The following JPH3 variants were observed in gnomAD, a reference collection of about 807,000 sequenced individuals.
The protein encoded by JPH3 is junctophilin 3.
A neutral mutation model predicts 59.6 loss-of-function variants in JPH3; 11 were observed. The ratio of observed to expected loss-of-function variants is 0.18; its 90% confidence interval spans 0.12 to 0.31. JPH3 has a LOEUF of 0.31. Among genes scored for constraint, JPH3 ranks in the 10% least tolerant of loss-of-function variants. The pLI, the probability that JPH3 is intolerant of heterozygous loss-of-function variation, is 1.00. For synonymous variants in JPH3, 673 were observed against 483.6 expected, an observed-to-expected ratio of 1.39 and a Z score of -5.14; for missense variants, 1,202 against 1,105.7, an observed-to-expected ratio of 1.09 and a Z score of -1.24.
At chr16:87,620,447 A>AGG (rs377009507) in intron 1 of JPH3, among the ~76,000 whole-genome samples, 22 of 75,582 alleles carry the variant, frequency 2.9e-4, no homozygotes, top group Non-Finnish European at 4.2e-4. Context: ...AGGGAGAGAG[A>AGG]GAGAGAAGGA....
chr16:87,641,376 C>T (rs370489585), intron 1 of JPH3, among the ~76,000 whole-genome samples: 105 of 152,256 alleles, frequency 6.9e-4, no homozygotes, highest in African/African-American at 2.4e-3. Flanking sequence ...TTGTTTCCGA[C>T]GTTGATGGCA....
intron 1 of JPH3, among the ~76,000 whole-genome samples, chr16:87,638,400 G>A (rs2031828699): frequency 6.6e-6 from 1 of 152,190 alleles, no homozygotes; most frequent in Admixed American, 6.5e-5. Context: ...AGCACAGGGT[G>A]GGGGTGCTGT....
chr16:87,605,216 G>A (rs1313502625), intron 1 of JPH3, among the ~76,000 whole-genome samples: 1 of 152,242 alleles, frequency 6.6e-6, no homozygotes, highest in East Asian at 1.9e-4. Flanking sequence ...GGGGACGAGA[G>A]GAGCCAGGGC....
chr16:87,692,740 G>A (rs1173698877), intron 4 of JPH3, among the ~76,000 whole-genome samples: 1 of 152,216 alleles, frequency 6.6e-6, no homozygotes, highest in African/African-American at 2.4e-5. Flanking sequence ...CCCTCTTGGT[G>A]AAATGATGGA....
intron 2 of JPH3, among the ~76,000 whole-genome samples, chr16:87,668,668 G>A (rs1010263618): frequency 2.6e-5 from 4 of 152,170 alleles, no homozygotes; most frequent in Admixed American, 6.5e-5. Flanking sequence ...TCTTCTTGGC[G>A]GAGTCTGGCC....
intron 1 of JPH3, among the ~76,000 whole-genome samples, chr16:87,606,269 C>T (rs1409633854): frequency 6.6e-6 from 1 of 152,264 alleles, no homozygotes; most frequent in Non-Finnish European, 1.5e-5. Context: ...ATCAGCGAAG[C>T]TCTGGAACCT....
At chr16:87,658,493 G>A (rs182978041) in intron 2 of JPH3, among the ~76,000 whole-genome samples, 2 of 150,894 alleles carry the variant, frequency 1.3e-5, no homozygotes, top group East Asian at 3.9e-4. Context: ...CTTTGTCCTT[G>A]TCTCTTTTTC....
chr16:87,610,993 C>G (rs1239307459), intron 1 of JPH3, among the ~76,000 whole-genome samples: 1 of 152,148 alleles, frequency 6.6e-6, no homozygotes, highest in African/African-American at 2.4e-5. Flanking sequence ...AAGTTCAGAC[C>G]GTGTTCAAGG....
rs944227364 is a variant in JPH3, at chr16:87,683,955, C to T, written c.1161-187C>T. 8.4e-6 allele frequency: 5 copies of T among 595,350 alleles called. 1 individual carries two copies. In the Admixed American group the frequency reaches 1.2e-4, roughly 14 times the overall value. 36.9% of individuals were successfully genotyped at this position (595,350 alleles called of 1,614,324 possible). A position where few individuals can be genotyped will look rare whatever the true frequency, so the allele number is the denominator to read the frequency against. On this transcript the variant is annotated intron_variant, in intron 2 of 4. Coordinates refer to ENST00000284262, the MANE Select transcript of JPH3 (RefSeq NM_020655.4). Reference sequence around the variant, plus strand: ...GTGCACTGGGCCTGGTTGGTTGATGCTCAGTGATGTTTATTGAATGAATGA... The same window carrying T: ...GTGCACTGGGCCTGGTTGGTTGATGTTCAGTGATGTTTATTGAATGAATGA...
At chr16:87,636,169 C>T (rs1301452235) in intron 1 of JPH3, among the ~76,000 whole-genome samples, 1 of 152,122 alleles carries the variant, frequency 6.6e-6, no homozygotes, top group Non-Finnish European at 1.5e-5. Context: ...TGGGAATCAG[C>T]GGCTTGGGTT....
Position 87,644,902 on chromosome 16 carries a change from C to A in JPH3, c.1027C>A (p.Leu343Ile). Reference protein sequence around the residue: ...KEEGKYKQNILVGGKRKNLIP... With the variant: ...KEEGKYKQNIIVGGKRKNLIP... The stretch of plus-strand genomic sequence containing the variant: ...GGAGGGCAAGTACAAGCAGAACATC[C>A]TCGTCGGCGGCAAGCGCAAGAACCT... The change falls in exon 2 of 5, where the codon CTC (leucine) becomes ATC (isoleucine). Residue 343 changes from leucine (L) to isoleucine (I), a missense_variant. By Grantham distance (5) the Leu-to-Ile change is conservative. Coordinates refer to ENST00000284262, the MANE Select transcript of JPH3 (RefSeq NM_020655.4). 6.2e-7 allele frequency: 1 copy of A among 1,613,176 alleles called. No homozygotes were observed. Among genetic ancestry groups the A allele is most frequent in the Admixed American group, 1.7e-5 (1 of 60,018 alleles).
rs946308400 is a variant in JPH3, at chr16:87,603,094, G to T, written c.-53G>T. 11 of 1,611,922 alleles carry T rather than the reference G, an allele frequency of 6.8e-6. No individual in the cohort carries two copies. Among genetic ancestry groups the T allele is most frequent in the Non-Finnish European group, 9.3e-6 (11 of 1,178,902 alleles). ...CCGGCGGCCGCGACTCTGCTGTGTC[G>T]ATCGCCTGAGTCCGTTTTCACCGTT... On this transcript the variant is annotated 5_prime_UTR_variant, in exon 1 of 5. Transcript: ENST00000284262.
At chr16:87,636,840 A>T (rs932330197) in intron 1 of JPH3, among the ~76,000 whole-genome samples, 3 of 152,148 alleles carry the variant, frequency 2.0e-5, no homozygotes, top group Non-Finnish European at 4.4e-5. Flanking sequence ...GGTGGGTGCG[A>T]TTGTCACCCT....
chr16:87,604,690 C>T lies in JPH3; in HGVS notation c.382+1162C>T, dbSNP rs2030446533. 4 of 1,138,006 alleles carry T rather than the reference C, an allele frequency of 3.5e-6. No homozygotes were observed. The Admixed American group carries it at 1.5e-4, about 44-fold the overall frequency. The allele number at this position is 1,138,006 out of a possible 1,614,324, so 70.5% of individuals were successfully genotyped here. ...CGAGTCTCATGAAGAAAGCTCGGAA[C>T]ACCTGCTCCACGGCCACATCCAGGA... is the stretch of plus-strand genomic sequence containing the variant. On this transcript the variant is annotated intron_variant, in intron 1 of 4. Transcript: ENST00000284262.
At chr16:87,609,091 C>T (rs974007156) in intron 1 of JPH3, among the ~76,000 whole-genome samples, 6 of 152,210 alleles carry the variant, frequency 3.9e-5, no homozygotes, top group African/African-American at 1.4e-4. Flanking sequence ...GGATTCCATG[C>T]TCCAGGAAGG....
chr16:87,663,999 G>C (rs2032782698), intron 2 of JPH3, among the ~76,000 whole-genome samples: 1 of 152,194 alleles, frequency 6.6e-6, no homozygotes, highest in Non-Finnish European at 1.5e-5. Context: ...GAATGGCCTT[G>C]TTTTGAGGAA....
In JPH3 at chr16:87,697,518, C is replaced by G. The variant is rs1014729715; in HGVS notation, c.*858C>G. On this transcript the variant is annotated 3_prime_UTR_variant, in exon 5 of 5. Transcript: ENST00000284262. Reference sequence around the variant, plus strand: ...CGGGGCTCTGGGTGTGTGCGCTTGGCGTGCAGGGTGGACGCGTGGGGTTCC... The same window carrying G: ...CGGGGCTCTGGGTGTGTGCGCTTGGGGTGCAGGGTGGACGCGTGGGGTTCC... 6.6e-6 allele frequency: 1 copy of G among 152,280 alleles called. No individual in the cohort carries two copies. Among genetic ancestry groups the G allele is most frequent in the African/African-American group, 2.4e-5 (1 of 41,406 alleles). 9.4% of individuals were successfully genotyped at this position (152,280 alleles called of 1,614,324 possible). A position where few individuals can be genotyped will look rare whatever the true frequency, so the allele number is the denominator to read the frequency against.
intron 2 of JPH3, among the ~76,000 whole-genome samples, chr16:87,681,513 CG>C (rs1255144667): frequency 7.8e-6 from 1 of 127,996 alleles, no homozygotes; most frequent in Non-Finnish European, 1.6e-5. Flanking sequence ...GTGACAGTGC[CG>C]GGAGGTCAGG....
intron 4 of JPH3, among the ~76,000 whole-genome samples, chr16:87,692,743 A>G (rs1479812840): frequency 1.3e-5 from 2 of 152,168 alleles, no homozygotes; most frequent in African/African-American, 4.8e-5. Flanking sequence ...TCTTGGTGAA[A>G]TGATGGATAT....
Sources: gnomAD v4.1 joint callset for allele counts (sites outside exome capture counted in the v4.1 genomes callset) on GRCh38, gnomAD v4.1.1 for gene constraint, MANE v1.5 for transcripts, NCBI Gene and HGNC (gene_info 2026-07-23, HGNC 2026-07-21) for gene names.